MAP4K4: variants seen among roughly 807,000 people sequenced by gnomAD.
The protein encoded by MAP4K4 is mitogen-activated protein kinase kinase kinase kinase 4, also known as HPK/GCK-like kinase HGK.
MAP4K4 carries 38 observed loss-of-function variants against 189.6 expected under a neutral mutation model. The ratio of observed to expected loss-of-function variants is 0.20; its 90% CI spans 0.15 to 0.26. The LOEUF is 0.26. Among genes scored for constraint, MAP4K4 ranks in the 10% least tolerant of loss-of-function variants. The pLI, the probability that MAP4K4 is intolerant of heterozygous loss-of-function variation, is 1.00. For missense variants in MAP4K4, 1,054 were observed against 1,726.9 expected, an observed-to-expected ratio of 0.61 and a Z score of 6.91; for synonymous variants, 610 against 624.3, an observed-to-expected ratio of 0.98 and a Z score of 0.34.
chr2:101,785,682 C>CTTTTCCTTTTTTGAG (rs1558913111), intron 2 of MAP4K4, among the ~76,000 whole-genome samples: 16 of 1,046 alleles, frequency 0.015, no homozygotes, highest in South Asian at 0.056. Flanking sequence ...TTCTCCCTCT[C>CTTTTCCTTTTTTGAG]TCTCTCTCTC....
At chr2:101,841,221 C>T (rs969299746) in intron 10 of MAP4K4, among the ~76,000 whole-genome samples, 1 of 152,140 alleles carries the variant, frequency 6.6e-6, no homozygotes, top group Non-Finnish European at 1.5e-5. Flanking sequence ...GGTTTACCTT[C>T]CAGATACCAT....
chr2:101,867,569 A>G (rs1363847491), intron 20 of MAP4K4: 3 of 428,938 alleles, frequency 7.0e-6, no homozygotes, highest in Non-Finnish European at 8.3e-6. Context: ...CAGCCTTACA[A>G]AATTATGCAG....
intron 2 of MAP4K4, among the ~76,000 whole-genome samples, chr2:101,788,027 C>A (rs2091974005): frequency 6.6e-6 from 1 of 151,862 alleles, no homozygotes; most frequent in African/African-American, 2.4e-5. Flanking sequence ...TGGTCTTGAA[C>A]TCCTGACCAC....
rs201634502 is a variant in MAP4K4 at position 101,771,893 on chromosome 2, TG to T, written c.124-18826del. On this transcript the variant is annotated intron_variant, in intron 2 of 32. Transcript: ENST00000324219. ...ACATAATTTGCTAGAGTACCAAGAG[TG>T]AAACACAATAGCTTGATGACTGGTG... is the stretch of plus-strand genomic sequence containing the variant. 4.4e-3 allele frequency among the ~76,000 whole-genome samples: 676 copies of T among 152,156 alleles called. 6 individuals carry two copies. In the East Asian group the frequency reaches 0.045, roughly 10 times the overall value.
At chr2:101,777,150 G>C (rs1475007984) in intron 2 of MAP4K4, among the ~76,000 whole-genome samples, 1 of 152,180 alleles carries the variant, frequency 6.6e-6, no homozygotes, top group Admixed American at 6.5e-5. Context: ...GTGTGGTCAG[G>C]TGGTGAATGG....
rs369759261 is a variant in MAP4K4 at position 101,719,234 on chromosome 2, A to G, written c.123+20696A>G. 7.2e-5 allele frequency among the ~76,000 whole-genome samples: 11 copies of G among 152,312 alleles called. No homozygotes were observed. In the South Asian group the frequency reaches 1.2e-3, roughly 17 times the overall value. Reference sequence around the variant, plus strand: ...TTGGAAGGCAGTGCAGTGAAGTGCTACTGTCTTCCCCCCTACTATTTGATG... The same window carrying G: ...TTGGAAGGCAGTGCAGTGAAGTGCTGCTGTCTTCCCCCCTACTATTTGATG... On this transcript the variant is annotated intron_variant, in intron 2 of 32. Coordinates refer to ENST00000324219, the Ensembl canonical transcript of MAP4K4.
chr2:101,829,189 C>A (rs767564091), intron 5 of MAP4K4, among the ~76,000 whole-genome samples: 12 of 152,174 alleles, frequency 7.9e-5, no homozygotes, highest in Non-Finnish European at 1.3e-4. Flanking sequence ...CCACCCTGTA[C>A]ACAAATAGCA....
chr2:101,736,849 A>G lies in MAP4K4; in HGVS notation c.123+38311A>G, dbSNP rs143692810. 4.2e-4 allele frequency among the ~76,000 whole-genome samples: 64 copies of G among 152,312 alleles called. 1 individual carries two copies. In the East Asian group the frequency reaches 0.012, roughly 29 times the overall value. Reference sequence around the variant, plus strand: ...ATAACGGTTTGTTGACTGAAAGAACAGTTTAGACAGTTGTCTATTAAATTT... The same window carrying G: ...ATAACGGTTTGTTGACTGAAAGAACGGTTTAGACAGTTGTCTATTAAATTT... On this transcript the variant is annotated intron_variant, in intron 2 of 32. Transcript: ENST00000324219.
chr2:101,847,324 C>T (rs1290634190), intron 12 of MAP4K4, among the ~76,000 whole-genome samples: 1 of 152,146 alleles, frequency 6.6e-6, no homozygotes, highest in African/African-American at 2.4e-5. Context: ...GAGTGTACTC[C>T]TTCTACATAT....
At chr2:101,767,004 T>C (rs2078911277) in intron 2 of MAP4K4, among the ~76,000 whole-genome samples, 1 of 152,214 alleles carries the variant, frequency 6.6e-6, no homozygotes, top group South Asian at 2.1e-4. Context: ...CATTGGCTAC[T>C]TGGTGTACAC....
chr2:101,776,603 G>C (rs2084328164), intron 2 of MAP4K4, among the ~76,000 whole-genome samples: 2 of 99,640 alleles, frequency 2.0e-5, no homozygotes, highest in Non-Finnish European at 3.6e-5. Flanking sequence ...AAAACACTAT[G>C]GAAAATGTTA....
At chr2:101,770,240 ATTTTTTT>A (rs34574782) in intron 2 of MAP4K4, among the ~76,000 whole-genome samples, 13 of 75,192 alleles carry the variant, frequency 1.7e-4, no homozygotes, top group Admixed American at 5.1e-4. Context: ...GTTCATTCTG[ATTTTTTT>A]TTTTTTTTTT....
chr2:101,755,753 T>TTTACA (rs2072189159), intron 2 of MAP4K4, among the ~76,000 whole-genome samples: 2 of 152,120 alleles, frequency 1.3e-5, no homozygotes, highest in Non-Finnish European at 2.9e-5. Context: ...GGCCTACCCC[T>TTTACA]TGCCTTGTTA....
chr2:101,713,007 A>G (rs951322603), intron 2 of MAP4K4, among the ~76,000 whole-genome samples: 5 of 149,026 alleles, frequency 3.4e-5, no homozygotes, highest in Non-Finnish European at 7.4e-5. Flanking sequence ...AGATTCAGGC[A>G]GTTCTCGTGC....
intron 2 of MAP4K4, among the ~76,000 whole-genome samples, chr2:101,785,965 A>T (rs2091011234): frequency 6.6e-6 from 1 of 152,018 alleles, no homozygotes; most frequent in African/African-American, 2.4e-5. Flanking sequence ...AGCTGGGATT[A>T]TAGGCGCCCG....
At chr2:101,863,953 A>C (rs1379829666) in exon 17 of MAP4K4, 1 of 1,367,528 alleles carries the variant, frequency 7.3e-7, no homozygotes, top group Non-Finnish European at 9.8e-7. Context: ...ACCTTCCCGC[A>C]GTGAGGTGCT....
intron 2 of MAP4K4, among the ~76,000 whole-genome samples, chr2:101,779,044 G>C (rs1267046504): frequency 6.6e-6 from 1 of 152,064 alleles, no homozygotes; most frequent in Admixed American, 6.5e-5. Context: ...ATGACTTGCT[G>C]TATTATGTAT....
At chr2:101,758,919 A>T (rs927715624) in intron 2 of MAP4K4, among the ~76,000 whole-genome samples, 1 of 151,932 alleles carries the variant, frequency 6.6e-6, no homozygotes, top group Non-Finnish European at 1.5e-5. Flanking sequence ...GGATCACGAG[A>T]TCAGGAGATC....
At chr2:101,856,788 T>C (rs2097482909) in intron 13 of MAP4K4, among the ~76,000 whole-genome samples, 2 of 152,248 alleles carry the variant, frequency 1.3e-5, no homozygotes, top group South Asian at 4.1e-4. Context: ...AATTGATCTC[T>C]TTGTTATGAG....
Sources: allele counts gnomAD v4.1 joint callset (sites outside exome capture counted in the v4.1 genomes callset), GRCh38; gene constraint gnomAD v4.1.1; transcripts MANE v1.5; gene names NCBI Gene and HGNC (gene_info 2026-07-23, HGNC 2026-07-21).